The following PLXDC2 variants were observed in gnomAD, a reference collection of about 807,000 sequenced individuals.
PLXDC2 encodes plexin domain-containing protein 2.
In PLXDC2, 40 loss-of-function variants were observed where a neutral mutation model predicts 68.9. The observed-to-expected ratio is 0.58, with a 90% confidence interval of 0.45 to 0.76. PLXDC2 has a LOEUF of 0.76. Among genes scored for constraint, PLXDC2 ranks in the 30% least tolerant of loss-of-function variants. The pLI is 0.00. For synonymous variants in PLXDC2, 243 were observed against 234.2 expected (o/e 1.04, Z -0.34); for missense variants, 644 against 661.9 (o/e 0.97, Z 0.30).
intron 3 of PLXDC2, among the ~76,000 whole-genome samples, chr10:20,054,211 A>G (rs545140770): frequency 1.3e-5 from 2 of 152,022 alleles, no homozygotes; most frequent in Non-Finnish European, 2.9e-5. Context: ...TTTTTACTGA[A>G]GGAGGGTCAG....
chr10:20,099,126 A>G (rs1273207385), intron 4 of PLXDC2, among the ~76,000 whole-genome samples: 1 of 152,198 alleles, frequency 6.6e-6, no homozygotes, highest in Non-Finnish European at 1.5e-5. Context: ...AAACCCATGT[A>G]TGTTTAACGC....
intron 1 of PLXDC2, among the ~76,000 whole-genome samples, chr10:19,928,650 T>A (rs1833578830): frequency 6.6e-6 from 1 of 151,990 alleles, no homozygotes; most frequent in Admixed American, 6.6e-5. Context: ...CTTGCTGCAT[T>A]TGAGAGAAAG....
chr10:20,181,649 C>A (rs1834606542), intron 9 of PLXDC2, among the ~76,000 whole-genome samples: 2 of 151,992 alleles, frequency 1.3e-5, no homozygotes, highest in African/African-American at 4.8e-5. Context: ...CAAGCTTGAC[C>A]TGATGAGGAA....
chr10:20,276,770 CTG>C, intron 13 of PLXDC2, among the ~76,000 whole-genome samples: 1 of 152,142 alleles, frequency 6.6e-6, no homozygotes, highest in Non-Finnish European at 1.5e-5. Flanking sequence ...TATCCCTTCT[CTG>C]AAATCCCTGG....
At position 19,824,431 on chromosome 10, in the gene PLXDC2, C is replaced by T. The variant is rs563963188; in HGVS notation, c.112+7240C>T. On this transcript the variant is annotated intron_variant, in intron 1 of 13. Coordinates refer to ENST00000377252, the MANE Select transcript of PLXDC2 (RefSeq NM_032812.9). ...GGGAAAAAAGCAAATAAAATTGAATCGCCATAATACATAAGGTTGTGTATC... is the reference window on the plus strand; with the variant it reads ...GGGAAAAAAGCAAATAAAATTGAATTGCCATAATACATAAGGTTGTGTATC... Among the ~76,000 whole-genome samples, 729 of 152,288 alleles carry T rather than the reference C, an allele frequency of 4.8e-3. 9 individuals carry two copies. Among genetic ancestry groups the T allele is most frequent in the Non-Finnish European group, 6.9e-3 (471 of 68,024 alleles).
intron 12 of PLXDC2, among the ~76,000 whole-genome samples, chr10:20,241,473 C>A (rs995029079): frequency 6.6e-6 from 1 of 152,214 alleles, no homozygotes; most frequent in Admixed American, 6.5e-5. Flanking sequence ...CTTCCCTCTC[C>A]ATTCCTGCAT....
chr10:19,879,171 ATAGGATAGG>A (rs1368348772), intron 1 of PLXDC2, among the ~76,000 whole-genome samples: 3 of 152,196 alleles, frequency 2.0e-5, no homozygotes, highest in African/African-American at 7.2e-5. Context: ...TAAAGCAATG[ATAGGATAGG>A]TAATTAAGAC....
chr10:19,858,075 G>T (rs1383285195), intron 1 of PLXDC2, among the ~76,000 whole-genome samples: 1 of 152,064 alleles, frequency 6.6e-6, no homozygotes, highest in Admixed American at 6.6e-5. Context: ...AGCTAGGTTG[G>T]CCAAACGCTC....
In PLXDC2 at chr10:20,153,207, A is replaced by T. The variant is rs138751855; in HGVS notation, c.783+5305A>T. Among the ~76,000 whole-genome samples the T allele has an allele frequency of 1.3e-3, 193 of 152,322 alleles. 1 individual carries two copies. Among genetic ancestry groups the T allele is most frequent in the African/African-American group, 4.3e-3 (177 of 41,582 alleles). The stretch of plus-strand genomic sequence containing the variant: ...TTGATATAATATGAGGTGCTAAGCT[A>T]TGGAATGAAAATGACTAGCCAGGAA... On this transcript the variant is annotated intron_variant, in intron 6 of 13. Transcript: ENST00000377252.
At chr10:20,125,611 G>A (rs1192123237) in intron 4 of PLXDC2, among the ~76,000 whole-genome samples, 1 of 152,160 alleles carries the variant, frequency 6.6e-6, no homozygotes, top group Admixed American at 6.6e-5. Context: ...AAGATCAAGA[G>A]CAAAGAGAGG....
At chr10:20,217,390 C>T (rs1159485626) in intron 10 of PLXDC2, 36 bp from the exon 11 acceptor site, 3 of 1,552,196 alleles carry the variant, frequency 1.9e-6, no homozygotes, top group African/African-American at 2.7e-5. Context: ...GATTTGTGAT[C>T]ACTCCATTTG....
intron 1 of PLXDC2, among the ~76,000 whole-genome samples, chr10:19,903,763 G>A (rs1838198515): frequency 6.6e-6 from 1 of 150,742 alleles, no homozygotes; most frequent in Non-Finnish European, 1.5e-5. Context: ...GCTCCATGAG[G>A]TTTGAGCTTA....
intron 1 of PLXDC2, among the ~76,000 whole-genome samples, chr10:19,966,775 A>G (rs1834269866): frequency 6.6e-6 from 1 of 151,374 alleles, no homozygotes; most frequent in African/African-American, 2.4e-5. Context: ...ATTTGAGAAC[A>G]GGCCTCCTGG....
rs1836111670 is a variant in PLXDC2 at position 20,283,768 on chromosome 10, C to G, written c.*3949C>G. ...GAGGCTTCCATTTAGAAGGCACTATCTCAAACATAAATAATTTCATATTTA... is the reference window on the plus strand; with the variant it reads ...GAGGCTTCCATTTAGAAGGCACTATGTCAAACATAAATAATTTCATATTTA... On this transcript the variant is annotated 3_prime_UTR_variant, in exon 14 of 14. Coordinates refer to ENST00000377252, the MANE Select transcript of PLXDC2 (RefSeq NM_032812.9). 1 of 152,166 alleles carries G rather than the reference C, an allele frequency of 6.6e-6. No individual in the cohort carries two copies. 9.4% of individuals were successfully genotyped at this position (152,166 alleles called of 1,614,324 possible). A position where few individuals can be genotyped will look rare whatever the true frequency, so the allele number is the denominator to read the frequency against.
intron 4 of PLXDC2, among the ~76,000 whole-genome samples, chr10:20,109,737 A>G (rs917985327): frequency 2.0e-5 from 3 of 152,212 alleles, no homozygotes; most frequent in South Asian, 2.1e-4. Flanking sequence ...CCCCATTGCA[A>G]TGAATCTTTA....
chr10:20,016,334 A>G (rs931302180), intron 2 of PLXDC2, among the ~76,000 whole-genome samples: 18 of 152,224 alleles, frequency 1.2e-4, no homozygotes, highest in African/African-American at 4.1e-4. Flanking sequence ...ACCAAGACTC[A>G]TTTGTGGTTT....
chr10:19,896,558 A>G (rs1418115723), intron 1 of PLXDC2, among the ~76,000 whole-genome samples: 3 of 152,244 alleles, frequency 2.0e-5, no homozygotes, highest in Non-Finnish European at 4.4e-5. Context: ...TAATATCGTC[A>G]TAACAAGTGA....
At chr10:19,936,887 G>C (rs889595793) in intron 1 of PLXDC2, among the ~76,000 whole-genome samples, 1 of 152,174 alleles carries the variant, frequency 6.6e-6, no homozygotes, top group Non-Finnish European at 1.5e-5. Context: ...GAACTGCTTA[G>C]CAAGATGGCT....
At chr10:20,086,250 C>G (rs1246160280) in intron 4 of PLXDC2, among the ~76,000 whole-genome samples, 2 of 152,154 alleles carry the variant, frequency 1.3e-5, no homozygotes, top group East Asian at 1.9e-4. Flanking sequence ...GCCTCGACCT[C>G]CTGGACTGAA....
Sources: gnomAD v4.1 joint callset for allele counts (sites outside exome capture counted in the v4.1 genomes callset) on GRCh38, gnomAD v4.1.1 for gene constraint, MANE v1.5 for transcripts, NCBI Gene and HGNC (gene_info 2026-07-23, HGNC 2026-07-21) for gene names.